Variants in ASB3 observed in about 807,000 individuals in gnomAD.
ASB3 encodes ankyrin repeat and SOCS box protein 3.
In ASB3, 41 loss-of-function variants were observed where a neutral mutation model predicts 54.5. That is an observed-to-expected ratio of 0.75 (90% CI 0.59 to 0.98). The LOEUF (loss-of-function observed/expected upper bound fraction) is 0.98. Among genes scored for constraint, ASB3 ranks in the 50% least tolerant of loss-of-function variants. The pLI, the probability that ASB3 is intolerant of heterozygous loss-of-function variation, is 0.00. For synonymous variants in ASB3, 266 were observed against 221.2 expected, an observed-to-expected ratio of 1.20 and a Z score of -1.80; for missense variants, 733 against 620.0, an observed-to-expected ratio of 1.18 and a Z score of -1.94.
intron 5 of ASB3, among the ~76,000 whole-genome samples, chr2:53,724,317 G>T (rs563638438): frequency 1.3e-5 from 2 of 152,248 alleles, no homozygotes; most frequent in South Asian, 2.1e-4. Context: ...CTGGGCAAAA[G>T]GACTGGGCAC....
At chr2:53,779,277 G>A (rs1674518563) in intron 1 of ASB3, among the ~76,000 whole-genome samples, 2 of 152,172 alleles carry the variant, frequency 1.3e-5, no homozygotes, top group South Asian at 4.1e-4. Context: ...TTTATATTCT[G>A]AATTTTAATC....
At chr2:53,726,284 G>A (rs371584957) in intron 5 of ASB3, among the ~76,000 whole-genome samples, 1 of 145,180 alleles carries the variant, frequency 6.9e-6, no homozygotes, top group Non-Finnish European at 1.5e-5. Flanking sequence ...TTTGGGAGAC[G>A]GAGTCCCACT....
intron 1 of ASB3, chr2:53,768,259 A>ATGGTT: frequency 2.1e-6 from 1 of 472,162 alleles, no homozygotes; most frequent in Non-Finnish European, 3.7e-6. Flanking sequence ...AGACGGCGAG[A>ATGGTT]AGCGCGGGCA....
intron 5 of ASB3, among the ~76,000 whole-genome samples, chr2:53,724,754 G>C (rs562036814): frequency 1.3e-5 from 2 of 152,144 alleles, no homozygotes; most frequent in East Asian, 1.9e-4. Flanking sequence ...ATACCACTCA[G>C]AAAGGCTATT....
At chr2:53,765,709 T>A in intron 1 of ASB3, 124 bp from the exon 2 acceptor site, 1 of 1,138,052 alleles carries the variant, frequency 8.8e-7, no homozygotes, top group South Asian at 1.6e-5. Context: ...GGGCCCACAA[T>A]ACAGAAAGTG....
chr2:53,762,057 T>C (rs1217461740), intron 2 of ASB3, among the ~76,000 whole-genome samples: 1 of 152,152 alleles, frequency 6.6e-6, no homozygotes, highest in Non-Finnish European at 1.5e-5. Flanking sequence ...CTCTAATATA[T>C]TGAGGGTGGT....
intron 9 of ASB3, among the ~76,000 whole-genome samples, chr2:53,684,145 A>C (rs1279959575): frequency 1.3e-5 from 2 of 152,170 alleles, no homozygotes; most frequent in African/African-American, 4.8e-5. Context: ...TAATCAAGGA[A>C]TCCACTAATT....
chr2:53,693,485 A>C (rs1257915058), intron 9 of ASB3, among the ~76,000 whole-genome samples: 1 of 152,196 alleles, frequency 6.6e-6, no homozygotes, highest in Non-Finnish European at 1.5e-5. Flanking sequence ...ATATGATAAA[A>C]TATTACACAG....
intron 9 of ASB3, among the ~76,000 whole-genome samples, chr2:53,689,289 T>C (rs907610329): frequency 4.6e-5 from 7 of 152,192 alleles, no homozygotes; most frequent in African/African-American, 1.7e-4. Flanking sequence ...TACCATAAGG[T>C]TGAAGTCAGC....
chr2:53,708,853 C>T (rs548533351), intron 7 of ASB3, among the ~76,000 whole-genome samples: 20 of 152,286 alleles, frequency 1.3e-4, no homozygotes, highest in African/African-American at 4.8e-4. Context: ...AGCAAAGCAG[C>T]CTGTCTGCTT....
chr2:53,724,778 A>G (rs893559275), intron 5 of ASB3, among the ~76,000 whole-genome samples: 3 of 152,166 alleles, frequency 2.0e-5, no homozygotes, highest in Non-Finnish European at 4.4e-5. Flanking sequence ...AAAAAGTCAA[A>G]AAACAACAGA....
chr2:53,754,878 G>T (rs1288850134), intron 2 of ASB3, among the ~76,000 whole-genome samples: 4 of 152,152 alleles, frequency 2.6e-5, no homozygotes, highest in African/African-American at 4.8e-5. Context: ...AGTTTTGAAA[G>T]TTCCAAAGAT....
intron 7 of ASB3, among the ~76,000 whole-genome samples, chr2:53,701,082 G>A (rs1298766420): frequency 1.3e-5 from 2 of 151,978 alleles, no homozygotes; most frequent in Admixed American, 1.3e-4. Context: ...CCAGTGATCC[G>A]CCCACTTCAG....
At chr2:53,682,774 G>A (rs1350082270) in intron 9 of ASB3, among the ~76,000 whole-genome samples, 5 of 152,304 alleles carry the variant, frequency 3.3e-5, no homozygotes, top group East Asian at 1.9e-4. Context: ...ACTGCGCCCA[G>A]CCTGTTCACT....
At chr2:53,715,312 G>A (rs114753142) in intron 6 of ASB3, among the ~76,000 whole-genome samples, 2 of 152,106 alleles carry the variant, frequency 1.3e-5, no homozygotes, top group Admixed American at 1.3e-4. Flanking sequence ...TATAGTTAAA[G>A]CCAGGAAATT....
At chr2:53,692,512 A>T (rs557601615) in intron 9 of ASB3, among the ~76,000 whole-genome samples, 1 of 152,300 alleles carries the variant, frequency 6.6e-6, no homozygotes, top group South Asian at 2.1e-4. Flanking sequence ...ATAGATGATG[A>T]TTATTACCCT....
Position 53,738,918 on chromosome 2 carries a change from G to A in ASB3, c.356-9348C>T, listed in dbSNP as rs1411371287. Among the ~76,000 whole-genome samples the A allele has an allele frequency of 2.2e-4, 33 of 152,152 alleles. 1 individual carries two copies. Among genetic ancestry groups the A allele is most frequent in the Non-Finnish European group, 4.4e-5 (3 of 68,026 alleles). ...GTGTCTGGAGTACACAGAGATATGG[G>A]AGAAAGACTTTCCCCTCTTCAATCC... On this transcript the variant is annotated intron_variant, in intron 3 of 9. Transcript: ENST00000263634.
rs143193058 is a variant in ASB3, at chr2:53,753,534, G to A, written c.197-2593C>T. 2.6e-5 allele frequency among the ~76,000 whole-genome samples: 4 copies of A among 152,192 alleles called. No individual in the cohort carries two copies. The East Asian group carries it at 5.8e-4, about 22-fold the overall frequency. On this transcript the variant is annotated intron_variant, in intron 2 of 9. Transcript: ENST00000263634. Reference sequence around the variant, plus strand: ...CAACTATAGATGTATATATACATGGGTTATAATATATAAATATATGTTCTA... The same window carrying A: ...CAACTATAGATGTATATATACATGGATTATAATATATAAATATATGTTCTA...
chr2:53,771,911 G>T (rs769412002), intron 1 of ASB3: 1 of 1,565,116 alleles, frequency 6.4e-7, no homozygotes, highest in Non-Finnish European at 8.7e-7. Context: ...AAACAGCCTG[G>T]AAGAGTTGTG....
Sources: gnomAD v4.1 joint callset for allele counts (sites outside exome capture counted in the v4.1 genomes callset) on GRCh38, gnomAD v4.1.1 for gene constraint, MANE v1.5 for transcripts, NCBI Gene and HGNC (gene_info 2026-07-23, HGNC 2026-07-21) for gene names.